The following HIF1A variants were observed in gnomAD, a reference collection of about 807,000 sequenced individuals.
HIF1A encodes the protein hypoxia-inducible factor 1-alpha.
Under a neutral mutation model 92.7 loss-of-function variants are expected in HIF1A, and 24 were observed. That is an observed-to-expected ratio of 0.26 (90% CI 0.19 to 0.36). The LOEUF is 0.36. Ranked by LOEUF, HIF1A falls within the 10% of genes least tolerant of loss-of-function variation. HIF1A has a pLI of 1.00. For missense variants in HIF1A, 799 were observed against 998.5 expected, an observed-to-expected ratio of 0.80 and a Z score of 2.69; for synonymous variants, 319 against 338.7, an observed-to-expected ratio of 0.94 and a Z score of 0.64.
intron 4 of HIF1A, among the ~76,000 whole-genome samples, chr14:61,723,944 T>A (rs549043957): frequency 1.3e-5 from 2 of 152,344 alleles, no homozygotes; most frequent in South Asian, 4.1e-4. Context: ...CAGGGACTAT[T>A]GCAAAGCATC....
intron 6 of HIF1A, among the ~76,000 whole-genome samples, chr14:61,731,638 A>G (rs2044576917): frequency 2.0e-5 from 3 of 152,192 alleles, no homozygotes; most frequent in Admixed American, 2.0e-4. Flanking sequence ...GATCTCTCAA[A>G]GTGAGGTGTT....
chr14:61,740,062 A>ATTTTTTTTTTTTTTTTTTTTTTTTT (rs36189686), intron 10 of HIF1A: 2 of 94,128 alleles, frequency 2.1e-5, no homozygotes, highest in African/African-American at 4.0e-5. Context: ...ATTTTCACAA[A>ATTTTTTTTTTTTTTTTTTTTTTTTT]TTTTTTTTTT....
chr14:61,709,868 A>G (rs1197217803), intron 1 of HIF1A, among the ~76,000 whole-genome samples: 2 of 152,196 alleles, frequency 1.3e-5, no homozygotes, highest in East Asian at 1.9e-4. Context: ...TTAGATTACT[A>G]CTTCTTTCAG....
chr14:61,707,426 A>G (rs1000453797), intron 1 of HIF1A, among the ~76,000 whole-genome samples: 2 of 152,078 alleles, frequency 1.3e-5, no homozygotes, highest in African/African-American at 4.8e-5. Flanking sequence ...ATTTAACATT[A>G]GGTATATCTC....
chr14:61,736,809 A>G, intron 8 of HIF1A, 80 bp from the exon 9 acceptor site: 1 of 952,426 alleles, frequency 1.0e-6, no homozygotes. Context: ...GAATTTTTTA[A>G]GAGACCATTT....
intron 11 of HIF1A, 37 bp from the exon 12 acceptor site, chr14:61,740,718 G>T: frequency 6.4e-7 from 1 of 1,566,380 alleles, no homozygotes; most frequent in Non-Finnish European, 8.7e-7. Context: ...TATAAGGTGT[G>T]GCCATTGTAA....
chr14:61,712,569 T>G (rs1395739419), intron 1 of HIF1A, among the ~76,000 whole-genome samples: 1 of 149,150 alleles, frequency 6.7e-6, no homozygotes, highest in Non-Finnish European at 1.5e-5. Context: ...AGATTTTCAC[T>G]GTAACTTATA....
At chr14:61,709,396 A>G (rs1336111986) in intron 1 of HIF1A, among the ~76,000 whole-genome samples, 2 of 152,242 alleles carry the variant, frequency 1.3e-5, no homozygotes, top group Non-Finnish European at 2.9e-5. Context: ...TAACATGTAA[A>G]TGAAAAATTT....
At chr14:61,737,852 C>T (rs965216946) in intron 9 of HIF1A, among the ~76,000 whole-genome samples, 1 of 152,008 alleles carries the variant, frequency 6.6e-6, no homozygotes, top group East Asian at 1.9e-4. Context: ...CATGGTGAAA[C>T]CCCGTCTCTA....
intron 1 of HIF1A, among the ~76,000 whole-genome samples, chr14:61,704,065 G>A (rs1275573426): frequency 6.6e-6 from 1 of 152,046 alleles, no homozygotes; most frequent in Non-Finnish European, 1.5e-5. Flanking sequence ...GCTTTATTGG[G>A]ATGATAAGAA....
chr14:61,744,805 G>A lies in HIF1A; in HGVS notation c.2194G>A (p.Val732Ile), dbSNP rs1394037489. Residue 732 changes from valine (V) to isoleucine (I), a missense_variant, in exon 13 of 15, where the codon GTA becomes ATA. Physicochemically the swap from Val to Ile is conservative, Grantham distance 29. Transcript: ENST00000337138. ...MEHDGSLFQA[V>I]GIGTLLQQPD... is the part of the protein sequence containing the mutation. ...ACATGATGGTTCACTTTTTCAAGCA[G>A]TAGGAATTGTAAGTATGAGTAGTAG... 6.5e-7 allele frequency: 1 copy of A among 1,540,998 alleles called. No individual in the cohort carries two copies. The highest frequency in any genetic ancestry group is 1.7e-5 in the Admixed American group (1 of 58,780).
At chr14:61,711,207 CTTTTTTTTTTTT>C (rs10615564) in intron 1 of HIF1A, among the ~76,000 whole-genome samples, 1 of 86,124 alleles carries the variant, frequency 1.2e-5, no homozygotes, top group Admixed American at 1.5e-4. Context: ...TTAAGTATTC[CTTTTTTTTTTTT>C]TTTTTTTTTT....
intron 1 of HIF1A, among the ~76,000 whole-genome samples, chr14:61,704,193 A>G (rs1459125205): frequency 7.2e-5 from 11 of 152,240 alleles, no homozygotes; most frequent in Non-Finnish European, 1.6e-4. Flanking sequence ...CCATATATTC[A>G]TAATATTATA....
At chr14:61,736,786 T>A in intron 8 of HIF1A, 103 bp from the exon 9 acceptor site, 2 of 722,180 alleles carry the variant, frequency 2.8e-6, no homozygotes, top group Non-Finnish European at 4.7e-6. Flanking sequence ...GAAATGTTCC[T>A]GTCCATAAAG....
chr14:61,722,366 GC>G (rs562164041), intron 4 of HIF1A, among the ~76,000 whole-genome samples: 6 of 152,156 alleles, frequency 3.9e-5, no homozygotes, highest in Non-Finnish European at 7.4e-5. Flanking sequence ...GGGATTACAG[GC>G]ATGAGCCACC....
chr14:61,746,067 T>C (rs1353683299), intron 14 of HIF1A, among the ~76,000 whole-genome samples: 1 of 151,744 alleles, frequency 6.6e-6, no homozygotes, highest in East Asian at 1.9e-4. Flanking sequence ...CTACTAAAAA[T>C]ACAAAAATTA....
At chr14:61,721,869 A>C (rs1428529092) in intron 4 of HIF1A, 46 bp downstream of exon 4, 2 of 1,323,214 alleles carry the variant, frequency 1.5e-6, no homozygotes, top group Admixed American at 1.7e-5. Context: ...GTGGTTTTAC[A>C]TAATAAGATA....
chr14:61,695,529 T>C lies in HIF1A; in HGVS notation c.-276T>C, dbSNP rs1594851024. The C allele has an allele frequency of 3.9e-6, 2 of 509,878 alleles. No homozygotes were observed. The highest frequency in any genetic ancestry group is 4.0e-5 in the African/African-American group (2 of 49,398). The allele number at this position is 509,878 out of a possible 1,614,324, so 31.6% of individuals were successfully genotyped here. ...CAGCTCCTCAGTGCACAGTGCTGCC[T>C]CGTCTGAGGGGACAGGAGGATCACC... On this transcript the variant is annotated 5_prime_UTR_variant, in exon 1 of 15. Coordinates refer to ENST00000337138, the MANE Select transcript of HIF1A (RefSeq NM_001530.4).
At chr14:61,736,363 A>G (rs1420255468) in intron 8 of HIF1A, among the ~76,000 whole-genome samples, 1 of 152,070 alleles carries the variant, frequency 6.6e-6, no homozygotes, top group Non-Finnish European at 1.5e-5. Context: ...TTTTTGATTC[A>G]GGGGATACAT....
Sources: allele counts gnomAD v4.1 joint callset (sites outside exome capture counted in the v4.1 genomes callset), GRCh38; gene constraint gnomAD v4.1.1; transcripts MANE v1.5; gene names NCBI Gene and HGNC (gene_info 2026-07-23, HGNC 2026-07-21).